The following SHANK2 variants were observed in gnomAD, a reference collection of about 807,000 sequenced individuals.
The protein encoded by SHANK2 is SH3 and multiple ankyrin repeat domains 2, also known as SH3 and multiple ankyrin repeat domains protein 2.
Under a neutral mutation model 133.7 loss-of-function variants are expected in SHANK2, and 43 were observed. That is an observed-to-expected ratio of 0.32 (90% CI 0.25 to 0.41). The LOEUF is 0.41. SHANK2 is among the 10% of genes least tolerant of loss of function. The pLI is 1.00. For synonymous variants in SHANK2, 1,017 were observed against 952.8 expected (o/e 1.07, Z -1.24); for missense variants, 1,994 against 2,235.8 (o/e 0.89, Z 2.18).
Position 70,685,555 on chromosome 11 carries a change from G to T in SHANK2, c.1853+13133C>A, listed in dbSNP as rs117981973. ...CCTGACCCATCTGACCAAGCTCCCT[G>T]ACAGGGAAAGAGAGGGAAGCAGATT... is the stretch of plus-strand genomic sequence containing the variant. On this transcript the variant is annotated intron_variant, in intron 15 of 25. Transcript: ENST00000601538. 8.3e-3 allele frequency among the ~76,000 whole-genome samples: 1,260 copies of T among 152,324 alleles called. 27 individuals are homozygous for T. The East Asian group carries it at 0.1, about 12-fold the overall frequency.
chr11:70,534,579 C>T (rs2059520596), intron 17 of SHANK2, among the ~76,000 whole-genome samples: 1 of 152,194 alleles, frequency 6.6e-6, no homozygotes, highest in African/African-American at 2.4e-5. Context: ...AGGGCTGGGA[C>T]AAGGCCCCAG....
chr11:71,127,503 C>T (rs1392907489), intron 3 of SHANK2, among the ~76,000 whole-genome samples: 5 of 152,206 alleles, frequency 3.3e-5, no homozygotes, highest in Admixed American at 3.3e-4. Context: ...ATTGCCACAG[C>T]CACCCCAACC....
intron 3 of SHANK2, among the ~76,000 whole-genome samples, chr11:71,134,105 C>T (rs1345048680): frequency 6.6e-6 from 1 of 151,594 alleles, no homozygotes; most frequent in Non-Finnish European, 1.5e-5. Flanking sequence ...AAAGCTCCTC[C>T]GTGGCAGGAG....
At chr11:70,944,534 C>T (rs1950695117) in intron 10 of SHANK2, among the ~76,000 whole-genome samples, 2 of 152,234 alleles carry the variant, frequency 1.3e-5, no homozygotes, top group South Asian at 4.1e-4. Flanking sequence ...AAAGGATTTT[C>T]CCACTGCGCT....
In SHANK2 at chr11:70,471,660, T is replaced by G. The variant is rs1272483611; in HGVS notation, c.*1209A>C. 3 of 355,338 alleles carry G rather than the reference T, an allele frequency of 8.4e-6. No individual in the cohort carries two copies. Among genetic ancestry groups the G allele is most frequent in the African/African-American group, 2.1e-5 (1 of 47,860 alleles). The allele number at this position is 355,338 out of a possible 1,614,324, so 22.0% of individuals were successfully genotyped here. ...GTCCTCAAAGAAGCTGTTGTACTGT[T>G]AAGACAAGCTGGTGGGATTCCTAGA... On this transcript the variant is annotated 3_prime_UTR_variant, in exon 26 of 26. Transcript: ENST00000601538. The surrounding 1 kb of genome is among the most constrained non-coding windows in gnomAD (Gnocchi z 4.1).
At chr11:71,123,688 G>A (rs1252863235) in intron 3 of SHANK2, among the ~76,000 whole-genome samples, 3 of 152,182 alleles carry the variant, frequency 2.0e-5, no homozygotes, top group Non-Finnish European at 4.4e-5. Context: ...CCTGCGAGGT[G>A]GCTATTCCTT....
At chr11:71,164,788 G>A (rs1358585860) in intron 2 of SHANK2, among the ~76,000 whole-genome samples, 9 of 152,078 alleles carry the variant, frequency 5.9e-5, no homozygotes, top group Non-Finnish European at 1.0e-4. Flanking sequence ...ATCAAACGCC[G>A]GCCTCAGGCA....
At chr11:70,577,501 C>T (rs560107020) in intron 17 of SHANK2, among the ~76,000 whole-genome samples, 96 of 152,316 alleles carry the variant, frequency 6.3e-4, no homozygotes, top group Non-Finnish European at 8.5e-4. Flanking sequence ...CAGAATTGAG[C>T]CAGGTAACAG....
At position 70,695,232 on chromosome 11, in the gene SHANK2, G is replaced by A. The variant is rs184110423; in HGVS notation, c.1853+3456C>T. Among the ~76,000 whole-genome samples, 260 of 152,222 alleles carry A rather than the reference G, an allele frequency of 1.7e-3. 2 individuals carry two copies. Among genetic ancestry groups the A allele is most frequent in the African/African-American group, 5.9e-3 (247 of 41,528 alleles). ...AGATGAAAGACCTCTGGAGCTGGAC[G>A]GTGGTGTCGGTTGCACAACACAGTG... On this transcript the variant is annotated intron_variant, in intron 15 of 25. Coordinates refer to ENST00000601538, the MANE Select transcript of SHANK2 (RefSeq NM_012309.5).
At chr11:70,635,181 A>C (rs2061055499) in intron 17 of SHANK2, 1 of 152,206 alleles carries the variant, frequency 6.6e-6, no homozygotes, top group African/African-American at 2.4e-5. Flanking sequence ...CGAGCACGTG[A>C]GCCAGCAATG....
intron 2 of SHANK2, among the ~76,000 whole-genome samples, chr11:71,214,024 T>C (rs763800192): frequency 2.6e-5 from 4 of 151,856 alleles, no homozygotes; most frequent in Non-Finnish European, 5.9e-5. Flanking sequence ...CAGGACCAGG[T>C]GCCAGGCAAG....
At chr11:70,855,773 A>C (rs1295884366) in intron 11 of SHANK2, among the ~76,000 whole-genome samples, 1 of 152,230 alleles carries the variant, frequency 6.6e-6, no homozygotes, top group Non-Finnish European at 1.5e-5. Flanking sequence ...GGAAGGAGTT[A>C]AATCGATGGC....
intron 14 of SHANK2, among the ~76,000 whole-genome samples, chr11:70,794,629 C>T (rs1245256509): frequency 1.3e-5 from 2 of 152,194 alleles, no homozygotes; most frequent in Non-Finnish European, 2.9e-5. Context: ...GCGACCTTGG[C>T]TCACTGCAAC....
rs537126018 is a variant in SHANK2 at position 70,885,133 on chromosome 11, G to A, written c.1174+11368C>T. Reference sequence around the variant, plus strand: ...CTTTTTCTAAGAGAACTGGGGTCTCGTGTGGTTGGGAACCAGGGAACAAAG... The same window carrying A: ...CTTTTTCTAAGAGAACTGGGGTCTCATGTGGTTGGGAACCAGGGAACAAAG... On this transcript the variant is annotated intron_variant, in intron 11 of 25. Coordinates refer to ENST00000601538, the MANE Select transcript of SHANK2 (RefSeq NM_012309.5). Among the ~76,000 whole-genome samples the A allele has an allele frequency of 8.5e-5, 13 of 152,154 alleles. No homozygotes were observed. The East Asian group carries it at 9.6e-4, about 11-fold the overall frequency.
chr11:70,515,901 C>CT (rs1416262071), intron 17 of SHANK2, among the ~76,000 whole-genome samples: 2 of 151,502 alleles, frequency 1.3e-5, no homozygotes, highest in African/African-American at 2.4e-5. Context: ...GAACATTTTA[C>CT]TTTTTTTTTC....
At position 70,747,742 on chromosome 11, in the gene SHANK2, T is replaced by C. The variant is rs1451383819; in HGVS notation, c.1778-48979A>G. On this transcript the variant is annotated intron_variant, in intron 14 of 25. Transcript: ENST00000601538. ...GCTGCACATATGTATAGTGTGCATATGTGTGAACAGGCACGTGTGTGCATG... is the reference window on the plus strand; with the variant it reads ...GCTGCACATATGTATAGTGTGCATACGTGTGAACAGGCACGTGTGTGCATG... 4.6e-5 allele frequency among the ~76,000 whole-genome samples: 7 copies of C among 152,240 alleles called. No individual in the cohort carries two copies. The East Asian group carries it at 1.3e-3, about 29-fold the overall frequency.
At chr11:70,678,499 C>T (rs868923208) in intron 15 of SHANK2, among the ~76,000 whole-genome samples, 22 of 148,784 alleles carry the variant, frequency 1.5e-4, no homozygotes, top group African/African-American at 4.2e-4. Context: ...CCCTGCCTCT[C>T]GACCTGCTCA....
At chr11:70,856,484 G>A (rs1020126101) in intron 11 of SHANK2, among the ~76,000 whole-genome samples, 2 of 151,730 alleles carry the variant, frequency 1.3e-5, no homozygotes, top group African/African-American at 4.8e-5. Context: ...ATAGGTGGGT[G>A]GGTGAATGGA....
At chr11:71,223,204 T>TGGTGGCCA (rs529728155) in intron 2 of SHANK2, among the ~76,000 whole-genome samples, 187 of 152,362 alleles carry the variant, frequency 1.2e-3, no homozygotes, top group South Asian at 3.1e-3. Flanking sequence ...CCAACTGCGA[T>TGGTGGCCA]GGTGGCCAGG....
Sources: allele counts gnomAD v4.1 joint callset (sites outside exome capture counted in the v4.1 genomes callset), GRCh38; gene constraint gnomAD v4.1.1; non-coding constraint Gnocchi (gnomAD v3.1); transcripts MANE v1.5; gene names NCBI Gene and HGNC (gene_info 2026-07-23, HGNC 2026-07-21).